Variants in CDH22 observed in about 807,000 individuals in gnomAD.
The protein encoded by CDH22 is cadherin-22.
Under a neutral mutation model 58.4 loss-of-function variants are expected in CDH22, and 30 were observed. The ratio of observed to expected loss-of-function variants is 0.51; its 90% CI spans 0.38 to 0.70. CDH22 has a LOEUF of 0.70. Ranked by LOEUF, CDH22 falls within the 30% of genes least tolerant of loss-of-function variation. The pLI is 0.00. For synonymous variants in CDH22, 513 were observed against 558.2 expected, an observed-to-expected ratio of 0.92 and a Z score of 1.14; for missense variants, 1,014 against 1,233.9, an observed-to-expected ratio of 0.82 and a Z score of 2.67.
chr20:46,260,483 A>C (rs1468504627), intron 1 of CDH22, among the ~76,000 whole-genome samples: 1 of 152,154 alleles, frequency 6.6e-6, no homozygotes, highest in Non-Finnish European at 1.5e-5. Flanking sequence ...CCGAAGGACA[A>C]AGACCTCACC....
At position 46,216,959 on chromosome 20, in the gene CDH22, G is replaced by A. The variant is rs1304242768; in HGVS notation, c.705C>T (p.Arg235=). The change falls in exon 5 of 12, where the codon CGC becomes CGT. Residue 235 remains arginine (R), a synonymous_variant. Transcript: ENST00000537909. The surrounding 1 kb of genome is among the most constrained non-coding windows in gnomAD (Gnocchi z 5.3). ...VIRTAVPDLD[R]ESQERYEVVI... ...CCACCTCGTAGCGCTCCTGGCTCTC[G>A]CGGTCAAGGTCAGGCACAGCCGTCC... The A allele has an allele frequency of 1.5e-5, 24 of 1,603,680 alleles. No individual in the cohort carries two copies. The highest frequency in any genetic ancestry group is 6.7e-5 in the East Asian group (3 of 44,578).
intron 8 of CDH22, among the ~76,000 whole-genome samples, chr20:46,192,852 C>G (rs900157117): frequency 2.0e-5 from 3 of 152,036 alleles, no homozygotes; most frequent in African/African-American, 7.2e-5. Flanking sequence ...TGGGGGTGCT[C>G]CAGGGAAGGG....
At chr20:46,191,093 C>T (rs953432792) in intron 8 of CDH22, among the ~76,000 whole-genome samples, 1 of 152,020 alleles carries the variant, frequency 6.6e-6, no homozygotes, top group African/African-American at 2.4e-5. Flanking sequence ...CAGGTACAGA[C>T]ATTACTCCAG....
chr20:46,210,186 C>T lies in CDH22; in HGVS notation c.1286+121G>A. On this transcript the variant is annotated intron_variant, in intron 7 of 11. Coordinates refer to ENST00000537909, the MANE Select transcript of CDH22 (RefSeq NM_021248.3). The surrounding 1 kb of genome is among the most constrained non-coding windows in gnomAD (Gnocchi z 4.5). ...CGCCTCTCTCCGCGCCTCCCTCCCC[C>T]ACGCAGCCCCTTCCTTCGGCCCTGC... is the stretch of plus-strand genomic sequence containing the variant. 1 of 1,063,106 alleles carries T rather than the reference C, an allele frequency of 9.4e-7. No individual in the cohort carries two copies. The allele number at this position is 1,063,106 out of a possible 1,614,324, so 65.9% of individuals were successfully genotyped here. A position where few individuals can be genotyped will look rare whatever the true frequency, so the allele number is the denominator to read the frequency against.
intron 1 of CDH22, among the ~76,000 whole-genome samples, chr20:46,263,928 G>A (rs1264793597): frequency 6.6e-6 from 1 of 152,222 alleles, no homozygotes; most frequent in African/African-American, 2.4e-5. Flanking sequence ...GGTGGTGGCA[G>A]CATCTGAGGA....
At chr20:46,239,614 T>G (rs1001232039) in intron 3 of CDH22, among the ~76,000 whole-genome samples, 1 of 152,354 alleles carries the variant, frequency 6.6e-6, no homozygotes, top group East Asian at 1.9e-4. Context: ...GCCATAGAGC[T>G]GGAAGGTCCA....
At chr20:46,182,948 G>C (rs1035151573) in intron 10 of CDH22, among the ~76,000 whole-genome samples, 1 of 152,142 alleles carries the variant, frequency 6.6e-6, no homozygotes, top group Non-Finnish European at 1.5e-5. Flanking sequence ...TGACCTCAGC[G>C]TGCTGCTGCC....
At position 46,286,304 on chromosome 20, in the gene CDH22, C is replaced by T. The variant is rs144245295; in HGVS notation, c.-400+21951G>A. Among the ~76,000 whole-genome samples the T allele has an allele frequency of 2.0e-4, 30 of 152,272 alleles. No individual in the cohort carries two copies. In the East Asian group the frequency reaches 5.4e-3, roughly 28 times the overall value. On this transcript the variant is annotated intron_variant, in intron 1 of 11. Coordinates refer to ENST00000537909, the MANE Select transcript of CDH22 (RefSeq NM_021248.3). Reference sequence around the variant, plus strand: ...CTCTTTCAGCTCTCCCACTCTGATGCTGGGCAGGGAGTCGAGGTCCAAATC... The same window carrying T: ...CTCTTTCAGCTCTCCCACTCTGATGTTGGGCAGGGAGTCGAGGTCCAAATC...
chr20:46,288,422 A>G lies in CDH22; in HGVS notation c.-400+19833T>C, dbSNP rs565351604. ...TAGTCCCTGGGCCACTCCTCCTCAG[A>G]TGACCACATGTAACCCCGCAGCTTG... On this transcript the variant is annotated intron_variant, in intron 1 of 11. Transcript: ENST00000537909. 2.6e-5 allele frequency among the ~76,000 whole-genome samples: 4 copies of G among 152,168 alleles called. No individual in the cohort carries two copies. The South Asian group carries it at 6.2e-4, about 24-fold the overall frequency.
intron 1 of CDH22, among the ~76,000 whole-genome samples, chr20:46,290,435 G>T (rs1463031502): frequency 6.6e-6 from 1 of 152,206 alleles, no homozygotes; most frequent in Non-Finnish European, 1.5e-5. Context: ...CCACGACAAA[G>T]AATTATCCAG....
rs150404878 is a variant in CDH22 at position 46,203,160 on chromosome 20, C to T, written c.1287-3601G>A. Among the ~76,000 whole-genome samples the T allele has an allele frequency of 3.7e-3, 561 of 152,224 alleles. 7 individuals are homozygous for T. Among genetic ancestry groups the T allele is most frequent in the East Asian group, 9.1e-3 (47 of 5,182 alleles). ...CCATAGGGCGGGGGCAGCGGGGACC[C>T]GCCATTAACTAGCTAAAGACCTGGG... On this transcript the variant is annotated intron_variant, in intron 7 of 11. Coordinates refer to ENST00000537909, the MANE Select transcript of CDH22 (RefSeq NM_021248.3).
intron 3 of CDH22, among the ~76,000 whole-genome samples, chr20:46,236,885 G>A (rs1297593148): frequency 1.3e-5 from 2 of 151,972 alleles, no homozygotes; most frequent in African/African-American, 4.8e-5. Flanking sequence ...GTAGAGACGG[G>A]GTTTCACCAT....
At chr20:46,180,376 TG>T (rs2085775916) in intron 10 of CDH22, among the ~76,000 whole-genome samples, 1 of 152,200 alleles carries the variant, frequency 6.6e-6, no homozygotes, top group African/African-American at 2.4e-5. Context: ...TTGGCAAGGT[TG>T]AGTCAAGTTC....
At chr20:46,306,696 G>A (rs1419152167) in intron 1 of CDH22, among the ~76,000 whole-genome samples, 3 of 152,202 alleles carry the variant, frequency 2.0e-5, no homozygotes, top group African/African-American at 7.2e-5. Context: ...CAGAAAAACT[G>A]AGGCAGACAG....
intron 8 of CDH22, among the ~76,000 whole-genome samples, chr20:46,197,502 C>G (rs998877303): frequency 2.0e-5 from 3 of 152,054 alleles, no homozygotes; most frequent in Non-Finnish European, 4.4e-5. Flanking sequence ...GACACTGGGC[C>G]GGTGATAGGC....
chr20:46,277,579 T>A (rs1165924705), intron 1 of CDH22, among the ~76,000 whole-genome samples: 2 of 148,570 alleles, frequency 1.3e-5, no homozygotes, highest in Non-Finnish European at 3.0e-5. Context: ...TGAAGGTGAG[T>A]GAAAAGGGGT....
intron 4 of CDH22, among the ~76,000 whole-genome samples, chr20:46,223,677 C>CTTT (rs1411638016): frequency 1.4e-5 from 1 of 71,332 alleles, no homozygotes; most frequent in South Asian, 5.1e-4. Context: ...TTCTTTCTTT[C>CTTT]TTTCTTTCTT....
At chr20:46,259,344 T>G (rs1407785632) in intron 1 of CDH22, among the ~76,000 whole-genome samples, 1 of 152,200 alleles carries the variant, frequency 6.6e-6, no homozygotes, top group Non-Finnish European at 1.5e-5. Flanking sequence ...CCCTGGCAAG[T>G]TTCACAAATA....
intron 7 of CDH22, among the ~76,000 whole-genome samples, chr20:46,201,715 G>A (rs1237039388): frequency 1.3e-5 from 2 of 152,140 alleles, no homozygotes; most frequent in Non-Finnish European, 1.5e-5. Flanking sequence ...ATTATAAGCC[G>A]ATCCCCTGAA....
Sources: gnomAD v4.1 joint callset for allele counts (sites outside exome capture counted in the v4.1 genomes callset) on GRCh38, gnomAD v4.1.1 for gene constraint, Gnocchi (gnomAD v3.1) non-coding constraint, MANE v1.5 for transcripts, NCBI Gene and HGNC (gene_info 2026-07-23, HGNC 2026-07-21) for gene names.